ZNF420: variants seen among roughly 807,000 people sequenced by gnomAD.
ZNF420 encodes zinc finger protein 420.
Under a neutral mutation model 44.7 loss-of-function variants are expected in ZNF420, and 31 were observed. The ratio of observed to expected loss-of-function variants is 0.69; its 90% CI spans 0.52 to 0.94. The LOEUF is 0.94. ZNF420 is among the 40% of genes least tolerant of loss of function. ZNF420 has a pLI of 0.00. For missense variants in ZNF420, 681 were observed against 827.9 expected, an observed-to-expected ratio of 0.82 and a Z score of 2.18; for synonymous variants, 245 against 267.4, an observed-to-expected ratio of 0.92 and a Z score of 0.82.
intron 1 of ZNF420, among the ~76,000 whole-genome samples, chr19:37,014,095 G>T (rs1405793617): frequency 3.9e-5 from 6 of 152,180 alleles, no homozygotes; most frequent in Non-Finnish European, 7.3e-5. Context: ...TGGAGGAGGC[G>T]AGAGGTTTCT....
intron 1 of ZNF420, among the ~76,000 whole-genome samples, chr19:37,061,891 C>T (rs1489044527): frequency 6.6e-6 from 1 of 152,104 alleles, no homozygotes; most frequent in African/African-American, 2.4e-5. Flanking sequence ...ATGAGGCAAA[C>T]GTTAATTCAA....
chr19:37,061,144 G>T (rs553578805), intron 1 of ZNF420, among the ~76,000 whole-genome samples: 1 of 152,072 alleles, frequency 6.6e-6, no homozygotes, highest in African/African-American at 2.4e-5. Context: ...CCATCGCCCC[G>T]TATGCCCTCT....
At chr19:37,045,521 T>A (rs1045796242) in intron 1 of ZNF420, among the ~76,000 whole-genome samples, 4 of 152,240 alleles carry the variant, frequency 2.6e-5, no homozygotes, top group African/African-American at 9.6e-5. Flanking sequence ...AGGCATTGTC[T>A]TTCTTGGACT....
At chr19:37,088,976 C>A in intron 2 of ZNF420, 63 bp from the exon 3 acceptor site, 1 of 750,158 alleles carries the variant, frequency 1.3e-6, no homozygotes, top group Non-Finnish European at 2.4e-6. Context: ...AAGATAATTC[C>A]AACTGAATCA....
chr19:37,108,160 T>A (rs1457358464), intron 4 of ZNF420: 1 of 152,222 alleles, frequency 6.6e-6, no homozygotes, highest in Non-Finnish European at 1.5e-5. Context: ...AAGTTTACTG[T>A]CCGAACAGAA....
intron 1 of ZNF420, among the ~76,000 whole-genome samples, chr19:37,043,908 A>C (rs1388242979): frequency 6.6e-6 from 1 of 152,180 alleles, no homozygotes; most frequent in African/African-American, 2.4e-5. Flanking sequence ...AGAAGCTAGA[A>C]AGTGTCATCA....
At chr19:37,035,928 G>A (rs1329456041) in intron 1 of ZNF420, among the ~76,000 whole-genome samples, 1 of 152,186 alleles carries the variant, frequency 6.6e-6, no homozygotes, top group African/African-American at 2.4e-5. Flanking sequence ...ATGACACTGA[G>A]ATGTATTTTC....
At chr19:37,061,612 A>T (rs1211293992) in intron 1 of ZNF420, among the ~76,000 whole-genome samples, 1 of 152,264 alleles carries the variant, frequency 6.6e-6, no homozygotes, top group Non-Finnish European at 1.5e-5. Context: ...ATGAGAAAAC[A>T]ATATGATGAA....
At chr19:37,026,082 G>A (rs1163243186) in intron 1 of ZNF420, among the ~76,000 whole-genome samples, 1 of 152,120 alleles carries the variant, frequency 6.6e-6, no homozygotes, top group African/African-American at 2.4e-5. Flanking sequence ...GGGAGGCAGA[G>A]GCGGGCGGAT....
At chr19:37,017,326 G>A (rs1295867030) in intron 1 of ZNF420, among the ~76,000 whole-genome samples, 1 of 152,178 alleles carries the variant, frequency 6.6e-6, no homozygotes, top group Admixed American at 6.5e-5. Flanking sequence ...TGAAGTGCAG[G>A]ATGCCCAATT....
chr19:37,057,271 C>G (rs984012649), intron 1 of ZNF420, among the ~76,000 whole-genome samples: 1 of 152,202 alleles, frequency 6.6e-6, no homozygotes, highest in Non-Finnish European at 1.5e-5. Flanking sequence ...GGACGGGGAT[C>G]GGGTGAGCCT....
At chr19:37,087,734 C>T (rs1404936897) in intron 2 of ZNF420, among the ~76,000 whole-genome samples, 2 of 152,174 alleles carry the variant, frequency 1.3e-5, no homozygotes, top group African/African-American at 2.4e-5. Flanking sequence ...CAAGCTCCGC[C>T]TCCCGGGTTC....
intron 1 of ZNF420, among the ~76,000 whole-genome samples, chr19:37,067,176 G>A (rs1568435706): frequency 6.6e-6 from 1 of 152,160 alleles, no homozygotes; most frequent in African/African-American, 2.4e-5. Flanking sequence ...GAGCATGAAG[G>A]AACTTTCTAG....
intron 1 of ZNF420, among the ~76,000 whole-genome samples, chr19:37,046,113 G>C (rs1967537715): frequency 6.6e-6 from 1 of 152,138 alleles, no homozygotes; most frequent in African/African-American, 2.4e-5. Context: ...CAACATATGG[G>C]AATTCTGGGA....
At chr19:37,105,226 G>GT (rs1220207683) in intron 4 of ZNF420, among the ~76,000 whole-genome samples, 2 of 152,156 alleles carry the variant, frequency 1.3e-5, no homozygotes, top group African/African-American at 4.8e-5. Flanking sequence ...TGGCTAGCCA[G>GT]TTTTCCCAGC....
intron 1 of ZNF420, among the ~76,000 whole-genome samples, chr19:37,060,311 AAAG>A (rs752066183): frequency 1.3e-5 from 2 of 152,116 alleles, no homozygotes; most frequent in Admixed American, 6.5e-5. Context: ...ATACAATCTT[AAAG>A]AAGAAGCTGG....
intron 1 of ZNF420, among the ~76,000 whole-genome samples, chr19:37,021,080 C>A (rs2074644930): frequency 6.6e-6 from 1 of 152,030 alleles, no homozygotes; most frequent in African/African-American, 2.4e-5. Context: ...AGGAAAATAA[C>A]CCAGCCAAAA....
At chr19:37,016,629 G>T (rs1487152674) in intron 1 of ZNF420, among the ~76,000 whole-genome samples, 2 of 152,156 alleles carry the variant, frequency 1.3e-5, no homozygotes, top group Non-Finnish European at 2.9e-5. Context: ...CCAGTTCCAG[G>T]TGTGGCCACC....
intron 1 of ZNF420, among the ~76,000 whole-genome samples, chr19:37,047,710 CTA>C (rs1196322175): frequency 2.6e-5 from 4 of 152,094 alleles, no homozygotes; most frequent in African/African-American, 9.7e-5. Context: ...ATGTTTTTCA[CTA>C]TTTGTTAGTG....
Sources: allele counts gnomAD v4.1 joint callset (sites outside exome capture counted in the v4.1 genomes callset), GRCh38; gene constraint gnomAD v4.1.1; transcripts MANE v1.5; gene names NCBI Gene and HGNC (gene_info 2026-07-23, HGNC 2026-07-21).